The following CA8 variants were observed in gnomAD, a reference collection of about 807,000 sequenced individuals.
CA8 encodes the protein carbonic anhydrase-related protein.
CA8 carries 22 observed loss-of-function variants against 41.4 expected under a neutral mutation model. The ratio of observed to expected loss-of-function variants is 0.53; its 90% CI spans 0.38 to 0.76. The LOEUF is 0.76. Among genes scored for constraint, CA8 ranks in the 30% least tolerant of loss-of-function variants. The pLI is 0.00. For missense variants in CA8, 270 were observed against 352.8 expected, an observed-to-expected ratio of 0.77 and a Z score of 1.88; for synonymous variants, 121 against 130.6, an observed-to-expected ratio of 0.93 and a Z score of 0.50.
chr8:60,277,135 A>AC (rs1483813343), intron 2 of CA8, among the ~76,000 whole-genome samples: 2 of 150,156 alleles, frequency 1.3e-5, no homozygotes, highest in African/African-American at 4.9e-5. Flanking sequence ...AAAAAAAAAA[A>AC]AGGAAAGAAA....
intron 8 of CA8, among the ~76,000 whole-genome samples, chr8:60,195,973 G>A (rs947445959): frequency 4.6e-5 from 7 of 152,084 alleles, no homozygotes; most frequent in African/African-American, 1.7e-4. Context: ...AAGCACATGA[G>A]ACATTTTTAA....
chr8:60,246,127 GCACAGT>G (rs957996340), intron 3 of CA8, among the ~76,000 whole-genome samples: 11 of 152,156 alleles, frequency 7.2e-5, no homozygotes, highest in African/African-American at 2.7e-4. Flanking sequence ...CCCCTGGTCT[GCACAGT>G]CACAAGTGCC....
intron 8 of CA8, among the ~76,000 whole-genome samples, chr8:60,190,639 T>G (rs1463871847): frequency 6.7e-6 from 1 of 150,074 alleles, no homozygotes; most frequent in Admixed American, 6.6e-5. Context: ...CTAAGGTAGG[T>G]AATAAATCTC....
chr8:60,271,609 T>A (rs1449456989), intron 2 of CA8, among the ~76,000 whole-genome samples: 3 of 152,184 alleles, frequency 2.0e-5, no homozygotes, highest in Admixed American at 2.0e-4. Flanking sequence ...TAAAATATCC[T>A]AATTAAAGTT....
chr8:60,233,600 A>G (rs1028468535), intron 3 of CA8, among the ~76,000 whole-genome samples: 26 of 152,360 alleles, frequency 1.7e-4, no homozygotes, highest in Non-Finnish European at 3.4e-4. Context: ...CTCAATAATA[A>G]AAGACAATTT....
chr8:60,243,081 G>C (rs1475354796), intron 3 of CA8, among the ~76,000 whole-genome samples: 2 of 152,208 alleles, frequency 1.3e-5, no homozygotes, highest in African/African-American at 4.8e-5. Flanking sequence ...ATGCCTCCAA[G>C]TGTTTAAACT....
At position 60,270,683 on chromosome 8, in the gene CA8, G is replaced by A. The variant is rs182842510; in HGVS notation, c.293-4634C>T. Among the ~76,000 whole-genome samples the A allele has an allele frequency of 5.8e-3, 886 of 152,250 alleles. 6 individuals carry two copies. The highest frequency in any genetic ancestry group is 0.01 in the Non-Finnish European group (711 of 68,010). ...CACCTGCCTTGGCCTCCCAAAGTGCGTAGATTACAGGCATGAGCCACCATG... is the reference window on the plus strand; with the variant it reads ...CACCTGCCTTGGCCTCCCAAAGTGCATAGATTACAGGCATGAGCCACCATG... On this transcript the variant is annotated intron_variant, in intron 2 of 8. Coordinates refer to ENST00000317995, the MANE Select transcript of CA8 (RefSeq NM_004056.6).
chr8:60,274,220 G>A (rs1251684412), intron 2 of CA8, among the ~76,000 whole-genome samples: 2 of 151,880 alleles, frequency 1.3e-5, no homozygotes, highest in East Asian at 3.9e-4. Context: ...GTTAGACAAG[G>A]AAGATTGTAC....
intron 4 of CA8, among the ~76,000 whole-genome samples, chr8:60,230,666 T>C (rs780635839): frequency 6.6e-6 from 1 of 152,082 alleles, no homozygotes; most frequent in South Asian, 2.1e-4. Context: ...TCCTGAGAAT[T>C]TGCACACAGA....
intron 8 of CA8, among the ~76,000 whole-genome samples, chr8:60,192,237 G>A (rs1334925058): frequency 1.3e-5 from 2 of 152,048 alleles, no homozygotes; most frequent in Non-Finnish European, 2.9e-5. Flanking sequence ...CTGGGGTATG[G>A]ATTTGGAATG....
At chr8:60,218,210 T>G (rs1356006433) in intron 7 of CA8, among the ~76,000 whole-genome samples, 2 of 152,216 alleles carry the variant, frequency 1.3e-5, no homozygotes, top group African/African-American at 2.4e-5. Flanking sequence ...GGGAAGGCCT[T>G]CTAGATAACT....
intron 7 of CA8, among the ~76,000 whole-genome samples, chr8:60,220,080 C>A (rs1032312606): frequency 6.6e-6 from 1 of 152,044 alleles, no homozygotes; most frequent in Non-Finnish European, 1.5e-5. Context: ...CAACATTCTA[C>A]GGAAACATCT....
intron 2 of CA8, among the ~76,000 whole-genome samples, chr8:60,268,013 G>C (rs1318652139): frequency 6.6e-6 from 1 of 152,004 alleles, no homozygotes; most frequent in Non-Finnish European, 1.5e-5. Context: ...AACCAGGAAG[G>C]AGACCAGGAG....
intron 2 of CA8, among the ~76,000 whole-genome samples, chr8:60,267,502 G>A (rs973675269): frequency 6.6e-6 from 1 of 152,174 alleles, no homozygotes; most frequent in South Asian, 2.1e-4. Context: ...TTTAGTGTTT[G>A]TCCTCATGCT....
chr8:60,240,277 G>T lies in CA8; in HGVS notation c.418-7898C>A, dbSNP rs557365148. 5.4e-4 allele frequency among the ~76,000 whole-genome samples: 82 copies of T among 152,318 alleles called. 1 individual carries two copies. Among genetic ancestry groups the T allele is most frequent in the Middle Eastern group, 3.4e-3 (1 of 294 alleles). On this transcript the variant is annotated intron_variant, in intron 3 of 8. Transcript: ENST00000317995. ...GAGACTTTGGACCTATTGTTTTTTA[G>T]ATTATTGAGATGGCAGTTTCAAGAC... is the stretch of plus-strand genomic sequence containing the variant.
Position 60,232,328 on chromosome 8 carries a change from C to T in CA8, c.469G>A (p.Val157Met), listed in dbSNP as rs1401949888. ...STLFGSIDEA[V>M]GKPHGIAIIA... is the part of the protein sequence containing the mutation. Reference sequence around the variant, plus strand: ...ATGGCGATTCCGTGCGGCTTCCCCACAGCCTCATCAATGCTGCCAAACAGA... The same window carrying T: ...ATGGCGATTCCGTGCGGCTTCCCCATAGCCTCATCAATGCTGCCAAACAGA... The change falls in exon 4 of 9, where the codon GTG becomes ATG. Residue 157 changes from valine to methionine, a missense_variant. Val to Met is a conservative substitution (Grantham distance 21). Around this residue, in one of 3 missense-constraint regions of CA8, gnomAD observed 141 missense variants for 191.6 expected, o/e 0.74. Coordinates refer to ENST00000317995, the MANE Select transcript of CA8 (RefSeq NM_004056.6). The T allele has an allele frequency of 6.2e-7, 1 of 1,614,144 alleles. No homozygotes were observed. The highest frequency in any genetic ancestry group is 1.7e-5 in the Admixed American group (1 of 60,030).
At chr8:60,220,138 G>C (rs1185414564) in intron 7 of CA8, among the ~76,000 whole-genome samples, 1 of 152,048 alleles carries the variant, frequency 6.6e-6, no homozygotes, top group Non-Finnish European at 1.5e-5. Flanking sequence ...TCTTGTTCAT[G>C]AATCTTGTTT....
At chr8:60,255,770 T>C (rs917542797) in intron 3 of CA8, among the ~76,000 whole-genome samples, 3 of 152,198 alleles carry the variant, frequency 2.0e-5, no homozygotes, top group African/African-American at 7.2e-5. Context: ...TGGTACAACA[T>C]TTACATCCAA....
intron 3 of CA8, among the ~76,000 whole-genome samples, chr8:60,255,018 T>A (rs991326250): frequency 5.3e-5 from 8 of 152,174 alleles, no homozygotes; most frequent in Admixed American, 3.9e-4. Context: ...CCAGTGCCAG[T>A]GAGCTTTAAA....
Sources: allele counts gnomAD v4.1 joint callset (sites outside exome capture counted in the v4.1 genomes callset), GRCh38; gene constraint gnomAD v4.1.1; regional missense constraint gnomAD v4.1.1; transcripts MANE v1.5; gene names NCBI Gene and HGNC (gene_info 2026-07-23, HGNC 2026-07-21).